PDE4D: variants seen among roughly 807,000 people sequenced by gnomAD.
PDE4D encodes 3',5'-cyclic-AMP phosphodiesterase 4D.
A neutral mutation model predicts 87.4 loss-of-function variants in PDE4D; 24 were observed. That is an observed-to-expected ratio of 0.27 (90% CI 0.20 to 0.39). The LOEUF is 0.39. Ranked by LOEUF, PDE4D falls within the 10% of genes least tolerant of loss-of-function variation. The probability of loss-of-function intolerance (pLI) is 1.00; values close to 1 mark genes in which losing one functional copy is unlikely to be tolerated. For missense variants in PDE4D, 714 were observed against 1,041.0 expected (o/e 0.69, Z 4.32); for synonymous variants, 384 against 383.2 (o/e 1.00, Z -0.02).
intron 5 of PDE4D, among the ~76,000 whole-genome samples, chr5:59,047,755 A>G (rs1445968687): frequency 1.3e-5 from 2 of 152,232 alleles, no homozygotes; most frequent in Admixed American, 6.5e-5. Flanking sequence ...CCCCGGTGTC[A>G]CGGTATTTGG....
chr5:59,143,677 G>C (rs1778227560), intron 5 of PDE4D, among the ~76,000 whole-genome samples: 1 of 152,250 alleles, frequency 6.6e-6, no homozygotes. Context: ...TCACTGCAAA[G>C]TGATAAAGCA....
At chr5:59,783,870 C>T (rs181783615) in intron 1 of PDE4D, among the ~76,000 whole-genome samples, 226 of 152,174 alleles carry the variant, frequency 1.5e-3, no homozygotes, top group Non-Finnish European at 2.7e-3. Context: ...AGTTCAAGAC[C>T]AGCCTGGGCA....
At chr5:59,682,750 T>C (rs1287291105) in intron 1 of PDE4D, among the ~76,000 whole-genome samples, 1 of 152,072 alleles carries the variant, frequency 6.6e-6, no homozygotes, top group Non-Finnish European at 1.5e-5. Flanking sequence ...GATCATGGGA[T>C]TTCTCAGCCT....
chr5:60,143,355 C>A (rs1284792837), intron 2 of PDE4D, among the ~76,000 whole-genome samples: 6 of 152,112 alleles, frequency 3.9e-5, no homozygotes, highest in Non-Finnish European at 7.4e-5. Flanking sequence ...AAGGTCATTC[C>A]TTAAAATATG....
At chr5:60,022,934 C>T (rs1766227023) in intron 2 of PDE4D, among the ~76,000 whole-genome samples, 1 of 152,152 alleles carries the variant, frequency 6.6e-6, no homozygotes, top group Admixed American at 6.5e-5. Context: ...CTCTTTCCTC[C>T]TCCACTGATG....
At chr5:59,150,623 G>A (rs961677047) in intron 5 of PDE4D, among the ~76,000 whole-genome samples, 5 of 152,072 alleles carry the variant, frequency 3.3e-5, no homozygotes, top group Non-Finnish European at 1.5e-5. Flanking sequence ...AAAAAGTATT[G>A]TTTAAAAAAA....
At chr5:59,368,766 G>A (rs1189561153) in intron 1 of PDE4D, among the ~76,000 whole-genome samples, 1 of 152,178 alleles carries the variant, frequency 6.6e-6, no homozygotes, top group Non-Finnish European at 1.5e-5. Context: ...ATTGGGAAGT[G>A]ATTACAAACT....
At chr5:60,399,420 T>A (rs929681277) in intron 1 of PDE4D, among the ~76,000 whole-genome samples, 3 of 152,248 alleles carry the variant, frequency 2.0e-5, no homozygotes, top group African/African-American at 7.2e-5. Flanking sequence ...GGCCTTCTGG[T>A]ATCTGAAACC....
intron 1 of PDE4D, among the ~76,000 whole-genome samples, chr5:59,387,376 A>C (rs560030195): frequency 1.9e-4 from 29 of 152,276 alleles, no homozygotes; most frequent in Non-Finnish European, 3.2e-4. Flanking sequence ...ATACTAACCT[A>C]GGTTACTAAG....
In PDE4D at chr5:59,768,593, C is replaced by G. The variant is rs562260641; in HGVS notation, c.455+124575G>C. 1.9e-6 allele frequency: 3 copies of G among 1,562,030 alleles called. No homozygotes were observed. The South Asian group carries it at 3.6e-5, about 19-fold the overall frequency. ...ACGGTCCCGGAAATGTCCAGGGAAG[C>G]AGGTCTGAGCCTGCTGCTGTTAGTG... On this transcript the variant is annotated intron_variant, in intron 1 of 14. Coordinates refer to ENST00000340635, the MANE Select transcript of PDE4D (RefSeq NM_001104631.2).
At chr5:59,429,929 G>A (rs1795872197) in intron 1 of PDE4D, among the ~76,000 whole-genome samples, 2 of 152,102 alleles carry the variant, frequency 1.3e-5, no homozygotes, top group Non-Finnish European at 2.9e-5. Flanking sequence ...AATGTCACAT[G>A]TAGATTATGA....
chr5:59,038,415 GA>G (rs915120961), intron 6 of PDE4D, among the ~76,000 whole-genome samples: 2 of 152,194 alleles, frequency 1.3e-5, no homozygotes, highest in Non-Finnish European at 2.9e-5. Context: ...GGGGTACCCT[GA>G]CAACTAGATG....
At chr5:59,173,807 A>G (rs1783396053) in intron 5 of PDE4D, among the ~76,000 whole-genome samples, 1 of 152,096 alleles carries the variant, frequency 6.6e-6, no homozygotes, top group Non-Finnish European at 1.5e-5. Flanking sequence ...TTCCCTATAC[A>G]CTGACACAAC....
chr5:60,345,631 T>C (rs2149909590), intron 1 of PDE4D, among the ~76,000 whole-genome samples: 1 of 152,036 alleles, frequency 6.6e-6, no homozygotes, highest in South Asian at 2.1e-4. Flanking sequence ...TAATCTTACT[T>C]ATATTTGTTA....
chr5:59,569,254 T>C (rs546874383), intron 1 of PDE4D, among the ~76,000 whole-genome samples: 1 of 152,208 alleles, frequency 6.6e-6, no homozygotes, highest in Non-Finnish European at 1.5e-5. Flanking sequence ...TTATCATTAA[T>C]TAGAGCCAAG....
intron 1 of PDE4D, chr5:60,430,999 C>T: frequency 3.7e-6 from 1 of 269,088 alleles, no homozygotes; most frequent in Non-Finnish European, 7.4e-6. Context: ...ACCTTTCCCC[C>T]CTTTCTATTC....
intron 1 of PDE4D, among the ~76,000 whole-genome samples, chr5:59,410,361 C>T (rs530854408): frequency 6.6e-6 from 1 of 152,244 alleles, no homozygotes; most frequent in South Asian, 2.1e-4. Flanking sequence ...ATTCTTGTGC[C>T]TCAGCTTCCC....
intron 1 of PDE4D, among the ~76,000 whole-genome samples, chr5:59,373,332 G>A (rs1270254937): frequency 1.3e-5 from 2 of 152,142 alleles, no homozygotes; most frequent in African/African-American, 4.8e-5. Flanking sequence ...AGACAAGAAT[G>A]TCACCAACCT....
At chr5:59,150,353 G>T (rs188773739) in intron 5 of PDE4D, among the ~76,000 whole-genome samples, 1 of 152,292 alleles carries the variant, frequency 6.6e-6, no homozygotes, top group East Asian at 1.9e-4. Flanking sequence ...CATTCTGACA[G>T]ACTTTTTATT....
Sources: gnomAD v4.1 joint callset for allele counts (sites outside exome capture counted in the v4.1 genomes callset) on GRCh38, gnomAD v4.1.1 for gene constraint, MANE v1.5 for transcripts, NCBI Gene and HGNC (gene_info 2026-07-23, HGNC 2026-07-21) for gene names.